Variants in FRMD4A observed in about 807,000 individuals in gnomAD.
FRMD4A encodes the protein FERM domain containing 4A, also known as FERM domain-containing protein 4A.
A neutral mutation model predicts 129.1 loss-of-function variants in FRMD4A; 29 were observed. That is an observed-to-expected ratio of 0.22 (90% CI 0.17 to 0.31). The LOEUF (loss-of-function observed/expected upper bound fraction) is 0.31, where lower values mean the gene tolerates loss of function less well. Ranked by LOEUF, FRMD4A falls within the 10% of genes least tolerant of loss-of-function variation. The pLI, the probability that FRMD4A is intolerant of heterozygous loss-of-function variation, is 1.00. For missense variants in FRMD4A, 1,272 were observed against 1,375.8 expected, an observed-to-expected ratio of 0.92 and a Z score of 1.19; for synonymous variants, 634 against 571.6, an observed-to-expected ratio of 1.11 and a Z score of -1.56.
chr10:13,930,978 G>A (rs1194142248), intron 2 of FRMD4A, among the ~76,000 whole-genome samples: 3 of 152,040 alleles, frequency 2.0e-5, no homozygotes, highest in African/African-American at 4.8e-5. Flanking sequence ...GACTACAGGT[G>A]CACACCACCG....
intron 2 of FRMD4A, among the ~76,000 whole-genome samples, chr10:14,235,106 T>C (rs78050344): frequency 0.079 from 11,946 of 152,050 alleles, 591 homozygotes; most frequent in Non-Finnish European, 0.11. Flanking sequence ...TGGGGTATTT[T>C]CTGGGTCTGT....
At chr10:14,111,009 CAT>C (rs1414791010) in intron 2 of FRMD4A, among the ~76,000 whole-genome samples, 2 of 152,138 alleles carry the variant, frequency 1.3e-5, no homozygotes, top group Non-Finnish European at 2.9e-5. Context: ...AGAAAGTACA[CAT>C]ATCATAAAAT....
chr10:13,848,200 T>G (rs150808771), intron 3 of FRMD4A, among the ~76,000 whole-genome samples: 2 of 151,996 alleles, frequency 1.3e-5, no homozygotes, highest in African/African-American at 2.4e-5. Context: ...TGGGGCACCA[T>G]AGAGAGGACA....
intron 4 of FRMD4A, among the ~76,000 whole-genome samples, chr10:13,804,409 A>G (rs2093319951): frequency 6.6e-6 from 1 of 152,214 alleles, no homozygotes; most frequent in Non-Finnish European, 1.5e-5. Flanking sequence ...AGCTGATGCC[A>G]GTCACAGTTG....
intron 2 of FRMD4A, among the ~76,000 whole-genome samples, chr10:14,116,215 A>G (rs1838189442): frequency 6.6e-6 from 1 of 152,240 alleles, no homozygotes; most frequent in South Asian, 2.1e-4. Flanking sequence ...TCTATTAGAA[A>G]CCAGACCCGA....
chr10:14,243,916 G>A (rs1010713451), intron 2 of FRMD4A, among the ~76,000 whole-genome samples: 2 of 151,538 alleles, frequency 1.3e-5, no homozygotes, highest in East Asian at 3.9e-4. Flanking sequence ...GCCCTCAGTT[G>A]TATATCTAAA....
Position 14,263,420 on chromosome 10 carries a change from T to C in FRMD4A, c.45+66638A>G, listed in dbSNP as rs369923427. ...ACCCCAAATTTCCGTCGTCTTCCTT[T>C]GTTTAGGGAACTGTTTTTTTAATTT... On this transcript the variant is annotated intron_variant, in intron 2 of 24. Coordinates refer to ENST00000357447, the MANE Select transcript of FRMD4A (RefSeq NM_018027.5). Among the ~76,000 whole-genome samples, 434 of 152,342 alleles carry C rather than the reference T, an allele frequency of 2.8e-3. 1 individual carries two copies. Among genetic ancestry groups the C allele is most frequent in the South Asian group, 6.2e-3 (30 of 4,826 alleles).
chr10:13,725,926 C>G (rs2089858926), intron 12 of FRMD4A, among the ~76,000 whole-genome samples: 1 of 152,174 alleles, frequency 6.6e-6, no homozygotes, highest in African/African-American at 2.4e-5. Context: ...TATTCTGTGT[C>G]TCTTAGTCCC....
intron 2 of FRMD4A, among the ~76,000 whole-genome samples, chr10:14,010,534 G>C (rs1048166147): frequency 6.6e-6 from 1 of 151,784 alleles, no homozygotes; most frequent in Non-Finnish European, 1.5e-5. Flanking sequence ...CAGTCCCCGC[G>C]GAGTAGGTGA....
chr10:14,203,395 T>C (rs1842694933), intron 2 of FRMD4A, among the ~76,000 whole-genome samples: 2 of 152,158 alleles, frequency 1.3e-5, no homozygotes, highest in African/African-American at 4.8e-5. Context: ...AGAATGTTTT[T>C]GCAATATCAC....
chr10:14,196,586 C>T (rs1298441900), intron 2 of FRMD4A, among the ~76,000 whole-genome samples: 1 of 152,176 alleles, frequency 6.6e-6, no homozygotes, highest in Admixed American at 6.5e-5. Context: ...CAAAACAATA[C>T]TTTCTACATA....
chr10:13,702,920 A>G (rs1589450839), intron 13 of FRMD4A, among the ~76,000 whole-genome samples: 1 of 149,648 alleles, frequency 6.7e-6, no homozygotes, highest in African/African-American at 2.5e-5. Context: ...AAGGAAAAAA[A>G]AAAAAAAAAA....
chr10:13,978,503 C>T (rs562783616), intron 2 of FRMD4A, among the ~76,000 whole-genome samples: 3 of 151,804 alleles, frequency 2.0e-5, no homozygotes, highest in Non-Finnish European at 4.4e-5. Context: ...GGTTCCACTT[C>T]CTTGGAAAAA....
At chr10:13,827,389 TC>T (rs1286740062) in intron 3 of FRMD4A, among the ~76,000 whole-genome samples, 2 of 152,268 alleles carry the variant, frequency 1.3e-5, no homozygotes, top group Non-Finnish European at 2.9e-5. Context: ...CAAGCCCATC[TC>T]CCGAAACCCG....
intron 17 of FRMD4A, among the ~76,000 whole-genome samples, chr10:13,667,207 C>A (rs940078627): frequency 2.0e-5 from 3 of 152,148 alleles, no homozygotes; most frequent in Non-Finnish European, 4.4e-5. Context: ...CCACCATGCC[C>A]GGCCATGGGA....
At chr10:14,128,776 T>C (rs1426721328) in intron 2 of FRMD4A, among the ~76,000 whole-genome samples, 1 of 152,192 alleles carries the variant, frequency 6.6e-6, no homozygotes, top group Non-Finnish European at 1.5e-5. Context: ...ACCATTATCA[T>C]CATCACTGTC....
chr10:14,206,564 G>A (rs974193828), intron 2 of FRMD4A, among the ~76,000 whole-genome samples: 3 of 152,044 alleles, frequency 2.0e-5, no homozygotes, highest in East Asian at 1.9e-4. Flanking sequence ...TTGGGAGGCC[G>A]AGGCAGGAGG....
At chr10:13,866,167 T>C (rs754923290) in intron 2 of FRMD4A, 10 of 250,610 alleles carry the variant, frequency 4.0e-5, no homozygotes, top group Non-Finnish European at 5.7e-5. Context: ...AAATTACCAA[T>C]ACTCCCCAAA....
chr10:13,757,807 G>A (rs1181426903), intron 8 of FRMD4A, among the ~76,000 whole-genome samples: 2 of 152,100 alleles, frequency 1.3e-5, no homozygotes, highest in African/African-American at 4.8e-5. Context: ...GTAATGGCAC[G>A]ATCTCAGCTC....
Sources: gnomAD v4.1 joint callset for allele counts (sites outside exome capture counted in the v4.1 genomes callset) on GRCh38, gnomAD v4.1.1 for gene constraint, MANE v1.5 for transcripts, NCBI Gene and HGNC (gene_info 2026-07-23, HGNC 2026-07-21) for gene names.